The following IGSF11 variants were observed in gnomAD, a reference collection of about 807,000 sequenced individuals.
IGSF11 encodes immunoglobulin superfamily member 11, also known as CXADR like 1.
In IGSF11, 22 loss-of-function variants were observed where a neutral mutation model predicts 41.0. The ratio of observed to expected loss-of-function variants is 0.54; its 90% CI spans 0.38 to 0.77. The LOEUF (loss-of-function observed/expected upper bound fraction) is 0.77, where lower values mean the gene tolerates loss of function less well. Ranked by LOEUF, IGSF11 falls within the 30% of genes least tolerant of loss-of-function variation. The pLI is 0.00. For missense variants in IGSF11, 444 were observed against 530.8 expected (o/e 0.84, Z 1.61); for synonymous variants, 219 against 201.3 (o/e 1.09, Z -0.74).
At chr3:119,058,874 A>T (rs1247614648) in intron 1 of IGSF11, among the ~76,000 whole-genome samples, 1 of 152,184 alleles carries the variant, frequency 6.6e-6, no homozygotes, top group East Asian at 1.9e-4. Flanking sequence ...TACCACAAGG[A>T]CAAAAAACCA....
chr3:119,103,323 C>G (rs2076968700), intron 1 of IGSF11, among the ~76,000 whole-genome samples: 1 of 151,976 alleles, frequency 6.6e-6, no homozygotes, highest in African/African-American at 2.4e-5. Flanking sequence ...TCTATGACAA[C>G]TTTTTTTCTG....
At chr3:118,994,612 C>T (rs1427407781) in intron 1 of IGSF11, among the ~76,000 whole-genome samples, 3 of 152,092 alleles carry the variant, frequency 2.0e-5, no homozygotes, top group Admixed American at 6.5e-5. Flanking sequence ...GATTCAAGAT[C>T]GCACCACTGC....
intron 1 of IGSF11, among the ~76,000 whole-genome samples, chr3:118,935,722 G>T (rs1182061065): frequency 6.6e-6 from 1 of 151,984 alleles, no homozygotes; most frequent in African/African-American, 2.4e-5. Context: ...TAACAAGAGG[G>T]CTCGCTGATG....
chr3:119,040,762 A>C (rs1048662976), intron 1 of IGSF11, among the ~76,000 whole-genome samples: 1 of 152,244 alleles, frequency 6.6e-6, no homozygotes, highest in African/African-American at 2.4e-5. Flanking sequence ...GAATGGATGA[A>C]TCAATGAATG....
At chr3:119,121,229 C>A (rs539016431) in intron 1 of IGSF11, among the ~76,000 whole-genome samples, 1 of 151,746 alleles carries the variant, frequency 6.6e-6, no homozygotes, top group African/African-American at 2.4e-5. Flanking sequence ...CATGAGGGGA[C>A]CATTTTGGAT....
intron 1 of IGSF11, among the ~76,000 whole-genome samples, chr3:119,001,645 C>A (rs1453952522): frequency 1.5e-5 from 2 of 132,638 alleles, no homozygotes; most frequent in Non-Finnish European, 3.2e-5. Flanking sequence ...CAACAGTCCC[C>A]AGAGTGTGAT....
chr3:118,941,906 C>G (rs112614967), intron 1 of IGSF11, among the ~76,000 whole-genome samples: 1 of 151,920 alleles, frequency 6.6e-6, no homozygotes, highest in African/African-American at 2.4e-5. Flanking sequence ...AAAAAAAAAT[C>G]TACGGAGAAA....
intron 1 of IGSF11, among the ~76,000 whole-genome samples, chr3:118,941,366 C>G (rs1367211174): frequency 2.0e-5 from 3 of 152,048 alleles, no homozygotes; most frequent in Non-Finnish European, 4.4e-5. Flanking sequence ...TGAGTAATAA[C>G]ATCCTGAAAC....
At chr3:118,939,801 T>A (rs1943546871) in intron 1 of IGSF11, among the ~76,000 whole-genome samples, 1 of 152,122 alleles carries the variant, frequency 6.6e-6, no homozygotes, top group Non-Finnish European at 1.5e-5. Flanking sequence ...CTTAAGAAAC[T>A]TTTTAAAAAT....
At chr3:118,966,275 A>G (rs1945669185) in intron 1 of IGSF11, among the ~76,000 whole-genome samples, 1 of 152,184 alleles carries the variant, frequency 6.6e-6, no homozygotes. Context: ...TGCCCCTAAT[A>G]AAATAGGCAT....
At position 119,034,800 on chromosome 3, in the gene IGSF11, G is replaced by A. The variant is rs2107741684; in HGVS notation, c.-218C>T. On this transcript the variant is annotated 5_prime_UTR_variant, in exon 1 of 7. Coordinates refer to ENST00000393775, the MANE Select transcript of IGSF11 (RefSeq NM_001015887.3). The stretch of plus-strand genomic sequence containing the variant: ...CCGCGGACGCTGAGCTGTGACCAGA[G>A]GCGTTCCGGGCTCGCCAGCCGTGCC... 1 of 1,265,242 alleles carries A rather than the reference G, an allele frequency of 7.9e-7. No homozygotes were observed. Among genetic ancestry groups the A allele is most frequent in the Non-Finnish European group, 9.9e-7 (1 of 1,005,122 alleles). 78.4% of individuals were successfully genotyped at this position (1,265,242 alleles called of 1,614,324 possible).
chr3:119,083,535 CAA>C (rs35930336), intron 1 of IGSF11, among the ~76,000 whole-genome samples: 50,910 of 127,060 alleles, frequency 0.4, 8,634 homozygotes, highest in Middle Eastern at 0.44. Flanking sequence ...CACACACACA[CAA>C]ACACACACAC....
intron 1 of IGSF11, among the ~76,000 whole-genome samples, chr3:119,144,934 C>G (rs1244325669): frequency 6.6e-6 from 1 of 152,136 alleles, no homozygotes; most frequent in Non-Finnish European, 1.5e-5. Flanking sequence ...TTTGAAGCTA[C>G]AAGCCATAGC....
chr3:119,104,597 T>C (rs72953060), intron 1 of IGSF11, among the ~76,000 whole-genome samples: 2,315 of 152,304 alleles, frequency 0.015, 51 homozygotes, highest in African/African-American at 0.053. Flanking sequence ...GGTATTATTG[T>C]CTCTATTTTA....
At chr3:118,982,059 A>C (rs941706818) in intron 1 of IGSF11, 4 of 152,194 alleles carry the variant, frequency 2.6e-5, no homozygotes, top group African/African-American at 9.7e-5. Flanking sequence ...TATCTCATAC[A>C]CTGGACACAA....
At chr3:119,124,970 T>C (rs150839554) in intron 1 of IGSF11, among the ~76,000 whole-genome samples, 5,911 of 152,264 alleles carry the variant, frequency 0.039, 187 homozygotes, top group Non-Finnish European at 0.051. Flanking sequence ...AGCAGACTTT[T>C]CAGTGGAAAC....
chr3:119,022,270 G>C (rs1939368984), intron 1 of IGSF11, among the ~76,000 whole-genome samples: 1 of 152,300 alleles, frequency 6.6e-6, no homozygotes, highest in Admixed American at 6.5e-5. Context: ...GTTACCAGGG[G>C]TTAAGTGGAA....
intron 1 of IGSF11, among the ~76,000 whole-genome samples, chr3:118,988,332 G>A (rs1190754004): frequency 1.3e-5 from 2 of 152,148 alleles, no homozygotes; most frequent in African/African-American, 4.8e-5. Context: ...GAGTTAAAAA[G>A]CTACCCTAGA....
intron 1 of IGSF11, among the ~76,000 whole-genome samples, chr3:119,143,140 TG>T (rs1489984640): frequency 3.7e-4 from 57 of 152,258 alleles, no homozygotes; most frequent in African/African-American, 1.3e-3. Flanking sequence ...TGAAGCCATA[TG>T]AAGAAATAAA....
Sources: allele counts gnomAD v4.1 joint callset (sites outside exome capture counted in the v4.1 genomes callset), GRCh38; gene constraint gnomAD v4.1.1; transcripts MANE v1.5; gene names NCBI Gene and HGNC (gene_info 2026-07-23, HGNC 2026-07-21).